Variants in ZNF503 observed in about 807,000 individuals in gnomAD.
ZNF503 encodes the protein zinc finger protein 503.
Under a neutral mutation model 34.4 loss-of-function variants are expected in ZNF503, and 15 were observed. The ratio of observed to expected loss-of-function variants is 0.44; its 90% confidence interval spans 0.29 to 0.67. The LOEUF (loss-of-function observed/expected upper bound fraction) is 0.67. ZNF503 is among the 30% of genes least tolerant of loss of function. ZNF503 has a pLI of 0.13. For synonymous variants in ZNF503, 580 were observed against 456.8 expected (o/e 1.27, Z -3.44); for missense variants, 1,007 against 926.8 (o/e 1.09, Z -1.12).
rs567358783 is a variant in ZNF503 at position 75,401,291 on chromosome 10, G to A, written c.129C>T (p.Pro43=). The A allele has an allele frequency of 2.5e-5, 40 of 1,568,686 alleles. No individual in the cohort carries two copies. In the African/African-American group the frequency reaches 4.9e-4, roughly 19 times the overall value. ...TSALSGNSSG[P]GPGSSPAGST... ...TGCCGGCCGGGGACGAGCCTGGGCC[G>A]GGGCCGGAGCTATTTCCAGAGAGCG... The change falls in exon 1 of 2, where the codon CCC becomes CCT. Residue 43 remains proline, a synonymous_variant. Transcript: ENST00000372524.
At chr10:75,364,798 C>T in the ZNF503 span, among the ~76,000 whole-genome samples, 1 of 152,092 alleles carries the variant, frequency 6.6e-6, no homozygotes, top group African/African-American at 2.4e-5. Flanking sequence ...AATCCAAAGA[C>T]AGGACATGTT....
rs1483548544 is a variant in ZNF503, at chr10:75,398,684, G to A, written c.*65C>T. The A allele has an allele frequency of 6.2e-6, 8 of 1,294,066 alleles. No homozygotes were observed. The highest frequency in any genetic ancestry group is 1.6e-5 in the African/African-American group (1 of 64,410). 80.2% of individuals were successfully genotyped at this position (1,294,066 alleles called of 1,614,324 possible). On this transcript the variant is annotated 3_prime_UTR_variant, in exon 2 of 2. Coordinates refer to ENST00000372524, the MANE Select transcript of ZNF503 (RefSeq NM_032772.6). ...TGTCAGCAGCCTGGGCCGTGATCCC[G>A]CCTCTCCCTGGACTCCTCCCCTCCC... is the stretch of plus-strand genomic sequence containing the variant.
chr10:75,400,541 A>T (rs1843784801), intron 1 of ZNF503, among the ~76,000 whole-genome samples, 167 bp from the exon 2 acceptor site: 1 of 152,084 alleles, frequency 6.6e-6, no homozygotes, highest in Non-Finnish European at 1.5e-5. Context: ...ACCCACTCAC[A>T]AACATTCTCG....
chr10:75,338,178 A>G, the ZNF503 span: 2 of 152,220 alleles, frequency 1.3e-5, no homozygotes, highest in Non-Finnish European at 2.9e-5. Flanking sequence ...CTTTATGTTA[A>G]TGTTACCTTC....
At chr10:75,374,514 G>C in the ZNF503 span, among the ~76,000 whole-genome samples, 2 of 152,150 alleles carry the variant, frequency 1.3e-5, no homozygotes, top group African/African-American at 4.8e-5. Flanking sequence ...TTTCCACCCA[G>C]CTCACACTCT....
At chr10:75,352,705 T>C in the ZNF503 span, among the ~76,000 whole-genome samples, 1 of 152,244 alleles carries the variant, frequency 6.6e-6, no homozygotes, top group Non-Finnish European at 1.5e-5. Flanking sequence ...CACATTCTCA[T>C]GGCCTCCCTA....
the ZNF503 span, chr10:75,382,662 TC>T: frequency 2.8e-6 from 1 of 354,510 alleles, no homozygotes. Context: ...TCTACCTGAG[TC>T]CCCCATTCTG....
the ZNF503 span, among the ~76,000 whole-genome samples, chr10:75,355,625 T>A: frequency 6.6e-6 from 1 of 152,228 alleles, no homozygotes; most frequent in African/African-American, 2.4e-5. Context: ...TGGGAATTTC[T>A]TCAGTTGGTC....
the ZNF503 span, among the ~76,000 whole-genome samples, chr10:75,325,081 C>T: frequency 6.6e-6 from 1 of 152,058 alleles, no homozygotes; most frequent in African/African-American, 2.4e-5. Context: ...TTTGAGTACA[C>T]ATATGCTTTT....
the ZNF503 span, among the ~76,000 whole-genome samples, chr10:75,300,846 C>T: frequency 6.6e-6 from 1 of 151,690 alleles, no homozygotes; most frequent in Non-Finnish European, 1.5e-5. Flanking sequence ...GCTGGGACTA[C>T]AGACGTGTGC....
the ZNF503 span, among the ~76,000 whole-genome samples, chr10:75,370,355 A>T: frequency 1.3e-5 from 2 of 152,184 alleles, no homozygotes; most frequent in African/African-American, 4.8e-5. Context: ...TTTTCTTAAG[A>T]AAATAGTGGG....
chr10:75,301,614 C>T, the ZNF503 span, among the ~76,000 whole-genome samples: 1 of 151,774 alleles, frequency 6.6e-6, no homozygotes, highest in Non-Finnish European at 1.5e-5. Context: ...GTTGAATAAT[C>T]ATATTTTTAG....
the ZNF503 span, among the ~76,000 whole-genome samples, chr10:75,294,977 A>G: frequency 6.6e-6 from 1 of 152,132 alleles, no homozygotes; most frequent in Non-Finnish European, 1.5e-5. Flanking sequence ...ACCCAGCTGA[A>G]CTGGCAGAGC....
At chr10:75,308,471 C>A in the ZNF503 span, among the ~76,000 whole-genome samples, 3 of 152,150 alleles carry the variant, frequency 2.0e-5, no homozygotes, top group Non-Finnish European at 2.9e-5. Context: ...ACTTTCAAGT[C>A]TTAATAGTCA....
the ZNF503 span, among the ~76,000 whole-genome samples, chr10:75,335,826 C>A: frequency 5.3e-5 from 8 of 152,176 alleles, no homozygotes; most frequent in African/African-American, 1.9e-4. Context: ...ATTTCCAGTT[C>A]ACCATAACTT....
chr10:75,312,778 A>G, the ZNF503 span, among the ~76,000 whole-genome samples: 6 of 152,352 alleles, frequency 3.9e-5, no homozygotes, highest in South Asian at 1.2e-3. Flanking sequence ...ACTATATGAG[A>G]AAACAATTAG....
downstream of ZNF503, among the ~76,000 whole-genome samples, chr10:75,395,792 G>A (rs1843690041): frequency 6.6e-6 from 1 of 152,236 alleles, no homozygotes; most frequent in African/African-American, 2.4e-5. The surrounding 1 kb of genome is among the most constrained non-coding windows in gnomAD (Gnocchi z 4.4). Context: ...GCTCCCGGAA[G>A]GAGTTTCATC....
At chr10:75,311,074 C>G in the ZNF503 span, among the ~76,000 whole-genome samples, 1 of 152,086 alleles carries the variant, frequency 6.6e-6, no homozygotes, top group Non-Finnish European at 1.5e-5. Context: ...TATTGACTCA[C>G]ACAATCAGAA....
the ZNF503 span, among the ~76,000 whole-genome samples, chr10:75,383,368 C>G: frequency 6.6e-6 from 1 of 152,210 alleles, no homozygotes; most frequent in Non-Finnish European, 1.5e-5. Flanking sequence ...TCCTCTTCCT[C>G]TAAGGCTCCA....
Sources: allele counts gnomAD v4.1 joint callset (sites outside exome capture counted in the v4.1 genomes callset), GRCh38; gene constraint gnomAD v4.1.1; non-coding constraint Gnocchi (gnomAD v3.1); transcripts MANE v1.5; gene names NCBI Gene and HGNC (gene_info 2026-07-23, HGNC 2026-07-21).